CFAP91: variants seen among roughly 807,000 people sequenced by gnomAD.
CFAP91 encodes the protein cilia- and flagella-associated protein 91.
Under a neutral mutation model 95.9 loss-of-function variants are expected in CFAP91, and 85 were observed. That is an observed-to-expected ratio of 0.89 (90% CI 0.74 to 1.06). CFAP91 has a LOEUF of 1.06. CFAP91 is among the 50% of genes least tolerant of loss of function. The probability of loss-of-function intolerance (pLI) is 0.00; values close to 1 mark genes in which losing one functional copy is unlikely to be tolerated. For missense variants in CFAP91, 962 were observed against 943.4 expected, an observed-to-expected ratio of 1.02 and a Z score of -0.26; for synonymous variants, 335 against 327.5, an observed-to-expected ratio of 1.02 and a Z score of -0.25.
In CFAP91 at chr3:119,703,196, C is replaced by T. The variant is rs138878198; in HGVS notation, c.98C>T (p.Ser33Phe). 2.2e-5 allele frequency: 35 copies of T among 1,611,798 alleles called. No homozygotes were observed. Among genetic ancestry groups the T allele is most frequent in the Admixed American group, 1.5e-4 (9 of 59,740 alleles). Reference sequence around the variant, plus strand: ...TCGCGGGCTGGGAGCCACATCTCCTCCAATCGAGCGTATGATTTTCTGTAC... The same window carrying T: ...TCGCGGGCTGGGAGCCACATCTCCTTCAATCGAGCGTATGATTTTCTGTAC... ...ERSRAGSHIS[S>F]NRAYDFLYDP... The change falls in exon 1 of 18, where the codon TCC (serine) becomes TTC (phenylalanine). Residue 33 changes from serine to phenylalanine, a missense_variant. Coordinates refer to ENST00000273390, the MANE Select transcript of CFAP91 (RefSeq NM_033364.4).
intron 1 of CFAP91, chr3:119,706,352 C>G (rs2053362562): frequency 6.6e-6 from 1 of 152,366 alleles, no homozygotes; most frequent in South Asian, 2.1e-4. Context: ...TCTGAGATAT[C>G]ATGTGGTTTG....
At chr3:119,737,245 T>C (rs374305421) in intron 10 of CFAP91, 121 bp from the exon 11 acceptor site, 16 of 612,974 alleles carry the variant, frequency 2.6e-5, no homozygotes, top group African/African-American at 1.3e-4. Flanking sequence ...GTGATGGGTA[T>C]GCTAAAAGCC....
intron 11 of CFAP91, among the ~76,000 whole-genome samples, chr3:119,737,939 A>G (rs1372219657): frequency 6.6e-6 from 1 of 152,224 alleles, no homozygotes; most frequent in Admixed American, 6.5e-5. Context: ...ACCAGACTCA[A>G]TTTGAGCAAA....
chr3:119,758,024 A>G (rs187218210), intron 17 of CFAP91, among the ~76,000 whole-genome samples: 96 of 151,998 alleles, frequency 6.3e-4, no homozygotes, highest in Non-Finnish European at 1.2e-3. Context: ...TTTGTTTTTT[A>G]TGGGTTTTTA....
chr3:119,722,956 T>C (rs537177180), intron 6 of CFAP91, among the ~76,000 whole-genome samples: 2 of 152,346 alleles, frequency 1.3e-5, no homozygotes, highest in Admixed American at 1.3e-4. Flanking sequence ...AAACTCATGC[T>C]TGAATAGATA....
chr3:119,724,160 C>T (rs1285011310), intron 6 of CFAP91, among the ~76,000 whole-genome samples: 2 of 128,504 alleles, frequency 1.6e-5, no homozygotes, highest in African/African-American at 6.3e-5. Context: ...AAGAGCAAGA[C>T]TTCATCTCAA....
At chr3:119,747,997 A>G in intron 16 of CFAP91, 95 bp downstream of exon 16, 1 of 941,566 alleles carries the variant, frequency 1.1e-6, no homozygotes, top group Admixed American at 2.5e-5. Context: ...GGGATGAGGA[A>G]ATTTCTAAAG....
At position 119,750,862 on chromosome 3, in the gene CFAP91, T is replaced by C. The variant is rs930659391; in HGVS notation, c.2144-75T>C. ...TTAATTTGCAAAATTATTTCTATCA[T>C]GACTCTCTTGAAACATTTGGGAATG... On this transcript the variant is annotated intron_variant, in intron 16 of 17. Coordinates refer to ENST00000273390, the MANE Select transcript of CFAP91 (RefSeq NM_033364.4). 4.5e-6 allele frequency: 7 copies of C among 1,549,588 alleles called. No individual in the cohort carries two copies. The African/African-American group carries it at 9.5e-5, about 21-fold the overall frequency.
intron 7 of CFAP91, among the ~76,000 whole-genome samples, chr3:119,728,708 C>T (rs1324057346): frequency 2.6e-5 from 4 of 152,198 alleles, no homozygotes; most frequent in Admixed American, 2.6e-4. Context: ...TCCCTCCAGT[C>T]CTTTTGAGTT....
rs2053375047 is a variant in CFAP91, at chr3:119,706,865, A to G, written c.181A>G (p.Thr61Ala). 3 of 1,612,524 alleles carry G rather than the reference A, an allele frequency of 1.9e-6. No individual in the cohort carries two copies. Among genetic ancestry groups the G allele is most frequent in the Admixed American group, 1.7e-5 (1 of 59,744 alleles). ...CCATACACAGGCAAATATCCAAGCT[A>G]CCCTGATTCGCAGCAGACTGGTATG... ...KDHTQANIQA[T>A]LIRSRLRKVP... Residue 61 changes from threonine (T) to alanine (A), a missense_variant, in exon 2 of 18, where the codon ACC (threonine) becomes GCC (alanine). Coordinates refer to ENST00000273390, the MANE Select transcript of CFAP91 (RefSeq NM_033364.4).
chr3:119,746,809 G>A lies in CFAP91; in HGVS notation c.1903-306G>A, dbSNP rs553044440. The stretch of plus-strand genomic sequence containing the variant: ...CACGTTGCTGGTAAGAACAAAGCCA[G>A]GATTTGAACCAGCGTTATTGACTCT... On this transcript the variant is annotated intron_variant, in intron 14 of 17. Coordinates refer to ENST00000273390, the MANE Select transcript of CFAP91 (RefSeq NM_033364.4). 4.0e-4 allele frequency among the ~76,000 whole-genome samples: 61 copies of A among 152,310 alleles called. 1 individual carries two copies. The South Asian group carries it at 0.012, about 31-fold the overall frequency.
intron 16 of CFAP91, 118 bp from the exon 17 acceptor site, chr3:119,750,819 T>A (rs2054310751): frequency 9.5e-7 from 1 of 1,057,768 alleles, no homozygotes; most frequent in Non-Finnish European, 1.4e-6. Flanking sequence ...GAAATTAGAT[T>A]TGGGTTGGGT....
In CFAP91 at chr3:119,715,682, A is replaced by C; in HGVS notation, c.621A>C (p.Ala207=). Residue 207 remains alanine, a synonymous_variant, in exon 6 of 18, where the codon GCA becomes GCC. Coordinates refer to ENST00000273390, the MANE Select transcript of CFAP91 (RefSeq NM_033364.4). ...ACGTTCAAACAGATCCATACTCTGC[A>C]GAATATGTAGTATGTCAGGACTCAA... ...DADVQTDPYS[A]EYVVCQDSIP... is the part of the protein sequence containing the mutation. The C allele has an allele frequency of 6.2e-7, 1 of 1,613,994 alleles. No individual in the cohort carries two copies. Among genetic ancestry groups the C allele is most frequent in the South Asian group, 1.1e-5 (1 of 91,074 alleles).
rs1342966742 is a variant in CFAP91, at chr3:119,750,794, C to T, written c.2144-143C>T. The T allele has an allele frequency of 3.6e-6, 3 of 839,190 alleles. No individual in the cohort carries two copies. The East Asian group carries it at 8.0e-5, about 23-fold the overall frequency. 52.0% of individuals were successfully genotyped at this position (839,190 alleles called of 1,614,324 possible). ...ACTGGGCTGAACCAGAGAGTGGGAACAGAGGGAGCAGAAAGAAATTAGATT... is the reference window on the plus strand; with the variant it reads ...ACTGGGCTGAACCAGAGAGTGGGAATAGAGGGAGCAGAAAGAAATTAGATT... On this transcript the variant is annotated intron_variant, in intron 16 of 17. Coordinates refer to ENST00000273390, the MANE Select transcript of CFAP91 (RefSeq NM_033364.4).
At position 119,709,838 on chromosome 3, in the gene CFAP91, G is replaced by GGCC. The variant is rs1207921713; in HGVS notation, c.444_446dup (p.Pro149dup). On this transcript the variant is annotated inframe_insertion and splice_region_variant. Coordinates refer to ENST00000273390, the MANE Select transcript of CFAP91 (RefSeq NM_033364.4). The stretch of plus-strand genomic sequence containing the variant: ...CATTTATGTTTTCTTTTTCCTCCCA[G>GGCC]GCCTTTTCTCCCATTTTTTCAGCAG... 1.9e-5 allele frequency: 30 copies of GGCC among 1,610,338 alleles called. No homozygotes were observed. Among genetic ancestry groups the GGCC allele is most frequent in the African/African-American group, 2.7e-5 (2 of 74,800 alleles).
At chr3:119,756,996 C>T (rs2054443111) in intron 17 of CFAP91, among the ~76,000 whole-genome samples, 1 of 152,010 alleles carries the variant, frequency 6.6e-6, no homozygotes, top group South Asian at 2.1e-4. Context: ...TTATATGCTG[C>T]TTGCAGGAAG....
intron 1 of CFAP91, chr3:119,706,457 T>G (rs974199844): frequency 3.8e-5 from 8 of 207,946 alleles, no homozygotes; most frequent in Non-Finnish European, 6.8e-5. Context: ...GGTCTTTCCC[T>G]TGAAGAATTT....
intron 7 of CFAP91, among the ~76,000 whole-genome samples, chr3:119,726,685 G>A (rs562606821): frequency 6.6e-6 from 1 of 152,100 alleles, no homozygotes; most frequent in African/African-American, 2.4e-5. Flanking sequence ...AACTGTCACA[G>A]AATCCCACTA....
rs1380568354 is a variant in CFAP91 at position 119,703,144 on chromosome 3, G to T, written c.46G>T (p.Val16Leu). 6.3e-7 allele frequency: 1 copy of T among 1,592,064 alleles called. No individual in the cohort carries two copies. The highest frequency in any genetic ancestry group is 8.6e-7 in the Non-Finnish European group (1 of 1,168,794). Residue 16 changes from valine to leucine, a missense_variant, in exon 1 of 18, where the codon GTG becomes TTG. Transcript: ENST00000273390. ...TIEEPQAQPQ[V>L]SQTRYRERSR... Reference sequence around the variant, plus strand: ...CGAGGAGCCCCAGGCCCAGCCGCAGGTGTCTCAAACTCGGTACCGGGAGAG... The same window carrying T: ...CGAGGAGCCCCAGGCCCAGCCGCAGTTGTCTCAAACTCGGTACCGGGAGAG...
Sources: gnomAD v4.1 joint callset for allele counts (sites outside exome capture counted in the v4.1 genomes callset) on GRCh38, gnomAD v4.1.1 for gene constraint, MANE v1.5 for transcripts, NCBI Gene and HGNC (gene_info 2026-07-23, HGNC 2026-07-21) for gene names.